THADA: variants seen among roughly 807,000 people sequenced by gnomAD.
THADA encodes THADA armadillo repeat containing.
A neutral mutation model predicts 219.8 loss-of-function variants in THADA; 213 were observed. That is an observed-to-expected ratio of 0.97 (90% CI 0.87 to 1.09). The LOEUF is 1.09. THADA is among the 50% of genes least tolerant of loss of function. The probability of loss-of-function intolerance (pLI) is 0.00; values close to 1 mark genes in which losing one functional copy is unlikely to be tolerated. For missense variants in THADA, 2,956 were observed against 2,311.3 expected, an observed-to-expected ratio of 1.28 and a Z score of -5.72; for synonymous variants, 1,018 against 828.9, an observed-to-expected ratio of 1.23 and a Z score of -3.92.
At chr2:43,412,280 C>T (rs1037901829) in intron 28 of THADA, among the ~76,000 whole-genome samples, 6 of 152,106 alleles carry the variant, frequency 3.9e-5, no homozygotes, top group African/African-American at 7.2e-5. Context: ...ATAATAAAGT[C>T]GGTGCAAAAT....
At chr2:43,248,506 A>G (rs1010525666) in intron 36 of THADA, among the ~76,000 whole-genome samples, 1 of 152,156 alleles carries the variant, frequency 6.6e-6, no homozygotes, top group African/African-American at 2.4e-5. Flanking sequence ...TGCTGGGATT[A>G]TAGGCATGAG....
chr2:43,417,037 C>CT (rs67993873), intron 28 of THADA, among the ~76,000 whole-genome samples: 3,644 of 93,680 alleles, frequency 0.039, 140 homozygotes, highest in African/African-American at 0.092. Context: ...TGGCTGTTTT[C>CT]TTTTTTTTTT....
intron 22 of THADA, among the ~76,000 whole-genome samples, chr2:43,519,820 G>C (rs1003920673): frequency 2.0e-5 from 3 of 152,198 alleles, no homozygotes; most frequent in African/African-American, 7.2e-5. Flanking sequence ...GGTATAAAAA[G>C]CAGGGAGCTG....
intron 15 of THADA, chr2:43,564,114 A>C (rs1484873912): frequency 6.6e-6 from 1 of 152,260 alleles, no homozygotes; most frequent in Non-Finnish European, 1.5e-5. Flanking sequence ...TTAAATGTGC[A>C]GAAAACTTTT....
At chr2:43,288,706 T>C (rs991889653) in intron 34 of THADA, among the ~76,000 whole-genome samples, 5 of 152,214 alleles carry the variant, frequency 3.3e-5, no homozygotes, top group Admixed American at 2.6e-4. Context: ...GGAAGCTTCA[T>C]TGCAACAGCA....
chr2:43,586,653 C>T (rs1170071430), intron 6 of THADA, 49 bp downstream of exon 6: 3 of 1,573,382 alleles, frequency 1.9e-6, no homozygotes, highest in East Asian at 2.2e-5. Flanking sequence ...TCCAAAATGA[C>T]TCATACAAGC....
intron 29 of THADA, among the ~76,000 whole-genome samples, chr2:43,351,710 G>A (rs900252232): frequency 2.0e-5 from 3 of 152,204 alleles, no homozygotes; most frequent in Non-Finnish European, 4.4e-5. Flanking sequence ...CTTGCTAGGG[G>A]TGGCAGAACA....
intron 30 of THADA, among the ~76,000 whole-genome samples, chr2:43,330,276 C>T (rs887174999): frequency 6.6e-5 from 10 of 152,328 alleles, no homozygotes; most frequent in East Asian, 1.9e-4. Context: ...AGCCCCTGAG[C>T]TTGCGTGGGA....
intron 28 of THADA, among the ~76,000 whole-genome samples, chr2:43,415,010 A>G (rs143107506): frequency 2.6e-5 from 4 of 152,330 alleles, no homozygotes; most frequent in African/African-American, 9.6e-5. Flanking sequence ...TCTAATGGGA[A>G]AGAAATCACT....
intron 28 of THADA, among the ~76,000 whole-genome samples, chr2:43,418,496 C>A (rs1402921822): frequency 1.3e-5 from 2 of 152,118 alleles, no homozygotes; most frequent in Admixed American, 1.3e-4. Context: ...CCAGGTAGAG[C>A]AAGATGTCAG....
Position 43,543,795 on chromosome 2 carries a change from C to T in THADA, c.3107-2479G>A, listed in dbSNP as rs550092134. On this transcript the variant is annotated intron_variant, in intron 20 of 37. Coordinates refer to ENST00000405975, the MANE Select transcript of THADA (RefSeq NM_022065.5). ...AGCCCTTTGTCAGATGAGTAGGTTG[C>T]GAAAATTTTCTCCCATTTTGTAGGT... is the stretch of plus-strand genomic sequence containing the variant. Among the ~76,000 whole-genome samples the T allele has an allele frequency of 2.3e-3, 347 of 152,014 alleles. 8 individuals carry two copies. In the East Asian group the frequency reaches 0.045, roughly 20 times the overall value.
intron 28 of THADA, among the ~76,000 whole-genome samples, chr2:43,417,443 C>T (rs951285828): frequency 2.0e-5 from 3 of 152,084 alleles, no homozygotes; most frequent in Non-Finnish European, 4.4e-5. Context: ...CAGTGTTTCT[C>T]AAGAATCTCA....
intron 20 of THADA, 42 bp from the exon 21 acceptor site, chr2:43,541,358 C>A: frequency 6.2e-7 from 1 of 1,603,422 alleles, no homozygotes; most frequent in South Asian, 1.1e-5. Flanking sequence ...CTTGATTACT[C>A]ATATCCCAGG....
At chr2:43,460,063 A>T (rs983527786) in intron 26 of THADA, among the ~76,000 whole-genome samples, 81 of 152,032 alleles carry the variant, frequency 5.3e-4, no homozygotes, top group African/African-American at 1.9e-3. Flanking sequence ...TAGAAGGTTG[A>T]TACTGGAAAA....
At chr2:43,373,553 T>G (rs1671040193) in intron 29 of THADA, among the ~76,000 whole-genome samples, 1 of 152,108 alleles carries the variant, frequency 6.6e-6, no homozygotes, top group Non-Finnish European at 1.5e-5. Flanking sequence ...TTTGGCTCAC[T>G]GCAACCTCCA....
chr2:43,249,978 T>A (rs1020946593), intron 36 of THADA, among the ~76,000 whole-genome samples: 4 of 152,178 alleles, frequency 2.6e-5, no homozygotes, highest in African/African-American at 9.7e-5. Context: ...GGGGAGGATG[T>A]CCATCAAGAA....
At chr2:43,330,633 G>C (rs566166443) in intron 30 of THADA, among the ~76,000 whole-genome samples, 15 of 152,334 alleles carry the variant, frequency 9.8e-5, no homozygotes, top group East Asian at 7.7e-4. Context: ...TGTGACCCGG[G>C]AGAACAAACT....
At chr2:43,422,941 G>A (rs147615730) in intron 28 of THADA, among the ~76,000 whole-genome samples, 28 of 152,256 alleles carry the variant, frequency 1.8e-4, no homozygotes, top group Non-Finnish European at 2.9e-4. Flanking sequence ...GGCTGGTCCA[G>A]GCTATTTCGA....
At position 43,550,257 on chromosome 2, in the gene THADA, C is replaced by A. The variant is rs72867039; in HGVS notation, c.2948-889G>T. ...GAAATCAATTAACAAATCGAAGAAC[C>A]GGTATTTATTGTACATCTATTATTT... On this transcript the variant is annotated intron_variant, in intron 19 of 37. Transcript: ENST00000405975. Among the ~76,000 whole-genome samples the A allele has an allele frequency of 2.6e-5, 4 of 152,082 alleles. No homozygotes were observed. The East Asian group carries it at 7.7e-4, about 29-fold the overall frequency.
Sources: gnomAD v4.1 joint callset for allele counts (sites outside exome capture counted in the v4.1 genomes callset) on GRCh38, gnomAD v4.1.1 for gene constraint, MANE v1.5 for transcripts, NCBI Gene and HGNC (gene_info 2026-07-23, HGNC 2026-07-21) for gene names.